The following MRPL3 variants were observed in gnomAD, a reference collection of about 807,000 sequenced individuals.
MRPL3 encodes the protein large ribosomal subunit protein uL3m.
Under a neutral mutation model 44.3 loss-of-function variants are expected in MRPL3, and 43 were observed. The ratio of observed to expected loss-of-function variants is 0.97; its 90% confidence interval spans 0.76 to 1.25. The LOEUF is 1.25. Among genes scored for constraint, MRPL3 ranks in the 50% most tolerant of loss-of-function variants. The pLI is 0.00. For synonymous variants in MRPL3, 171 were observed against 152.3 expected (o/e 1.12, Z -0.91); for missense variants, 406 against 427.6 (o/e 0.95, Z 0.45).
At chr3:131,473,441 G>C (rs531732005) in intron 6 of MRPL3, among the ~76,000 whole-genome samples, 1 of 151,590 alleles carries the variant, frequency 6.6e-6, no homozygotes, top group Admixed American at 6.6e-5. Context: ...AAAAAAGTAT[G>C]AAACTACTAG....
intron 4 of MRPL3, 33 bp from the exon 5 acceptor site, chr3:131,490,113 T>C (rs765721596): frequency 8.4e-6 from 12 of 1,427,908 alleles, no homozygotes; most frequent in South Asian, 1.2e-5. Context: ...AAGTAATACA[T>C]TGAATATTAA....
chr3:131,499,120 T>G (rs1253697970), intron 3 of MRPL3, among the ~76,000 whole-genome samples: 1 of 152,236 alleles, frequency 6.6e-6, no homozygotes. Context: ...TGCTTTAAAC[T>G]TTATATAAAT....
chr3:131,479,189 C>T (rs369067939), intron 6 of MRPL3: 1 of 519,122 alleles, frequency 1.9e-6, no homozygotes, highest in Non-Finnish European at 3.8e-6. Context: ...ACTGTCCCCC[C>T]TGCCTGGACA....
chr3:131,483,904 A>C (rs1031312629), intron 6 of MRPL3, among the ~76,000 whole-genome samples: 2 of 152,204 alleles, frequency 1.3e-5, no homozygotes, highest in African/African-American at 4.8e-5. Flanking sequence ...AGTACTAAAA[A>C]TATAAGTGAA....
In MRPL3 at chr3:131,498,240, T is replaced by C. The variant is rs908096628; in HGVS notation, c.407A>G (p.Glu136Gly). Residue 136 changes from glutamate (E) to glycine (G), a missense_variant, in exon 4 of 10, where the codon GAA (glutamate) becomes GGA (glycine). Coordinates refer to ENST00000264995, the MANE Select transcript of MRPL3 (RefSeq NM_007208.4). Reference protein sequence around the residue: ...DCHVLKYTSKENCNGKMATLS... With the variant: ...DCHVLKYTSKGNCNGKMATLS... ...GGTTGCCATTTTTCCATTACAGTTT[T>C]CCTTTGACGTATATTTTAAGACATG... The C allele has an allele frequency of 1.2e-6, 2 of 1,612,386 alleles. No homozygotes were observed. Among genetic ancestry groups the C allele is most frequent in the African/African-American group, 1.3e-5 (1 of 74,968 alleles).
rs769132176 is a variant in MRPL3, at chr3:131,462,732, T to C, written c.1038A>G (p.Thr346=). Residue 346 remains threonine, a synonymous_variant, in exon 10 of 10, where the codon ACA becomes ACG. Coordinates refer to ENST00000264995, the MANE Select transcript of MRPL3 (RefSeq NM_007208.4). ...NVCQPGAPSI[T]FA is the part of the protein sequence containing the mutation. ...GCCACGTCCAAAGATGTTAGGCAAA[T>C]GTAATAGAAGGCGCACCGGGCTGAC... is the stretch of plus-strand genomic sequence containing the variant. 2.1e-5 allele frequency: 34 copies of C among 1,610,898 alleles called. No homozygotes were observed. The highest frequency in any genetic ancestry group is 2.8e-5 in the Non-Finnish European group (33 of 1,178,202).
At chr3:131,472,980 T>G (rs1025640234) in intron 6 of MRPL3, among the ~76,000 whole-genome samples, 2 of 152,152 alleles carry the variant, frequency 1.3e-5, no homozygotes, top group Non-Finnish European at 2.9e-5. Context: ...AAAACGGCCA[T>G]ACTATACAAA....
intron 5 of MRPL3, among the ~76,000 whole-genome samples, chr3:131,489,300 C>G (rs1416041727): frequency 2.0e-5 from 3 of 152,046 alleles, no homozygotes. Flanking sequence ...TTTAATTCTA[C>G]CTTGTATCAA....
At position 131,471,175 on chromosome 3, in the gene MRPL3, G is replaced by C. The variant is rs772525073; in HGVS notation, c.734C>G (p.Thr245Ser). ...AGCTTCACTAGTTATACTCACACCA[G>C]TTGCAACAGCTCCAGGTCTCCTGTG... is the stretch of plus-strand genomic sequence containing the variant. The part of the protein sequence containing the change: ...KTHRRPGAVA[T>S]GDIGRVWPGT... Residue 245 changes from threonine (T) to serine (S), a missense_variant, in exon 7 of 10, where the codon ACT becomes AGT. Coordinates refer to ENST00000264995, the MANE Select transcript of MRPL3 (RefSeq NM_007208.4). 7 of 1,608,970 alleles carry C rather than the reference G, an allele frequency of 4.4e-6. No homozygotes were observed. In the Admixed American group the frequency reaches 5.0e-5, roughly 12 times the overall value.
intron 2 of MRPL3, 26 bp downstream of exon 2, chr3:131,501,505 G>A (rs1559836175): frequency 1.3e-6 from 2 of 1,575,556 alleles, no homozygotes; most frequent in African/African-American, 2.7e-5. Flanking sequence ...TAGGAAATGA[G>A]AGCTCATCAA....
intron 5 of MRPL3, chr3:131,488,944 C>T (rs1934189009): frequency 6.6e-6 from 1 of 151,796 alleles, no homozygotes; most frequent in African/African-American, 2.4e-5. Flanking sequence ...ATTAAGTGAC[C>T]TTTTATGAGG....
In MRPL3 at chr3:131,462,612, G is replaced by T; in HGVS notation, c.*111C>A. ...TTTATGCCCTTGACAAAGATGACAT[G>T]TGTGATTTTGTTGTGACTAAGAAAG... On this transcript the variant is annotated 3_prime_UTR_variant, in exon 10 of 10. Coordinates refer to ENST00000264995, the MANE Select transcript of MRPL3 (RefSeq NM_007208.4). The T allele has an allele frequency of 1.9e-6, 2 of 1,026,280 alleles. No individual in the cohort carries two copies. Among genetic ancestry groups the T allele is most frequent in the Non-Finnish European group, 2.8e-6 (2 of 722,962 alleles). The allele number at this position is 1,026,280 out of a possible 1,614,324, so 63.6% of individuals were successfully genotyped here. A position where few individuals can be genotyped will look rare whatever the true frequency, so the allele number is the denominator to read the frequency against.
At chr3:131,501,986 CTA>C (rs2107606452) in intron 1 of MRPL3, 1 of 1,365,766 alleles carries the variant, frequency 7.3e-7, no homozygotes, top group African/African-American at 1.5e-5. Context: ...ACAGTCCTAC[CTA>C]TAGACATGAA....
In MRPL3 at chr3:131,462,594, C is replaced by T. The variant is rs1933513425; in HGVS notation, c.*129G>A. On this transcript the variant is annotated 3_prime_UTR_variant, in exon 10 of 10. Coordinates refer to ENST00000264995, the MANE Select transcript of MRPL3 (RefSeq NM_007208.4). ...GGGGGTATGAATGATATATTTATGC[C>T]CTTGACAAAGATGACATGTGTGATT... 3.5e-6 allele frequency: 3 copies of T among 845,268 alleles called. No homozygotes were observed. The highest frequency in any genetic ancestry group is 5.4e-5 in the South Asian group (2 of 36,720). The allele number at this position is 845,268 out of a possible 1,614,324, so 52.4% of individuals were successfully genotyped here.
intron 9 of MRPL3, among the ~76,000 whole-genome samples, chr3:131,466,690 T>TG (rs67118415): frequency 0.018 from 2,394 of 131,130 alleles, 23 homozygotes; most frequent in Admixed American, 0.026. Context: ...GCATTTTTTT[T>TG]GGGGGGGGGT....
chr3:131,464,787 T>C (rs1341537766), intron 9 of MRPL3, among the ~76,000 whole-genome samples: 2 of 152,158 alleles, frequency 1.3e-5, no homozygotes, highest in Admixed American at 6.6e-5. Context: ...TTTACTAACT[T>C]TGGAATCTTA....
rs148679749 is a variant in MRPL3, at chr3:131,462,839, C to T, written c.931G>A (p.Gly311Ser). ...DSKLPAYKDL[G>S]KNLPFPTYFP... ...TATGTAGGGAATGGTAGATTTTTAC[C>T]GAGATCCTTATATGCAGGCAGTTTA... The change falls in exon 10 of 10, where the codon GGT (glycine) becomes AGT (serine). Residue 311 changes from glycine to serine, a missense_variant. By Grantham distance (56) the Gly-to-Ser change is moderately conservative (BLOSUM62 0). Coordinates refer to ENST00000264995, the MANE Select transcript of MRPL3 (RefSeq NM_007208.4). The T allele has an allele frequency of 3.3e-3, 5,369 of 1,611,402 alleles. 23 individuals are homozygous for T. Among genetic ancestry groups the T allele is most frequent in the Middle Eastern group, 0.011 (69 of 6,048 alleles).
rs146586792 is a variant in MRPL3 at position 131,478,398 on chromosome 3, T to A, written c.630-7119A>T. ...CAGAATTCCCAAGGTGGTAATCTAA[T>A]CACATAAATTTGTACTCTGCTTTAA... On this transcript the variant is annotated intron_variant, in intron 6 of 9. Coordinates refer to ENST00000264995, the MANE Select transcript of MRPL3 (RefSeq NM_007208.4). Among the ~76,000 whole-genome samples, 399 of 152,276 alleles carry A rather than the reference T, an allele frequency of 2.6e-3. 3 individuals carry two copies. The highest frequency in any genetic ancestry group is 9.0e-3 in the African/African-American group (373 of 41,568).
chr3:131,496,934 C>T lies in MRPL3; in HGVS notation c.468+1245G>A, dbSNP rs1277746001. Among the ~76,000 whole-genome samples, 3 of 152,330 alleles carry T rather than the reference C, an allele frequency of 2.0e-5. No homozygotes were observed. In the East Asian group the frequency reaches 5.8e-4, roughly 29 times the overall value. On this transcript the variant is annotated intron_variant, in intron 4 of 9. Transcript: ENST00000264995. ...TGGCCCAGGCCTGCACACTAAAATG[C>T]AGCCACATTACACTTCTCTCCCCAA...
Sources: allele counts gnomAD v4.1 joint callset (sites outside exome capture counted in the v4.1 genomes callset), GRCh38; gene constraint gnomAD v4.1.1; transcripts MANE v1.5; gene names NCBI Gene and HGNC (gene_info 2026-07-23, HGNC 2026-07-21).